Variants in FSTL5 observed in about 807,000 individuals in gnomAD.
FSTL5 encodes follistatin like 5.
Under a neutral mutation model 89.1 loss-of-function variants are expected in FSTL5, and 62 were observed. The observed-to-expected ratio is 0.70, with a 90% CI of 0.57 to 0.86. The LOEUF is 0.86. Ranked by LOEUF, FSTL5 falls within the 40% of genes least tolerant of loss-of-function variation. FSTL5 has a pLI of 0.00. For synonymous variants in FSTL5, 383 were observed against 346.2 expected (o/e 1.11, Z -1.18); for missense variants, 1,057 against 1,001.6 (o/e 1.06, Z -0.75).
chr4:161,845,765 A>C (rs1356335261), intron 4 of FSTL5, among the ~76,000 whole-genome samples: 1 of 152,116 alleles, frequency 6.6e-6, no homozygotes, highest in African/African-American at 2.4e-5. Context: ...AAGAATTGTG[A>C]ATTGTGGGCC....
At chr4:161,988,200 A>T (rs1736020105) in intron 3 of FSTL5, among the ~76,000 whole-genome samples, 1 of 152,002 alleles carries the variant, frequency 6.6e-6, no homozygotes, top group South Asian at 2.1e-4. Context: ...TTTTTGTCCC[A>T]TCGTATTCAG....
rs866660554 is a variant in FSTL5, at chr4:161,797,184, C to T, written c.410-21110G>A. ...AACATAAACACAAGATGTAATACTG[C>T]CTATCTCTTTATTTCTAATGTGTTT... On this transcript the variant is annotated intron_variant, in intron 4 of 15. Transcript: ENST00000306100. Among the ~76,000 whole-genome samples, 9 of 151,574 alleles carry T rather than the reference C, an allele frequency of 5.9e-5. 1 individual carries two copies. Among genetic ancestry groups the T allele is most frequent in the African/African-American group, 7.2e-5 (3 of 41,408 alleles).
At chr4:161,836,701 C>T (rs1045765476) in intron 4 of FSTL5, among the ~76,000 whole-genome samples, 6 of 151,256 alleles carry the variant, frequency 4.0e-5, no homozygotes, top group Admixed American at 2.0e-4. Flanking sequence ...GTTGAGGATA[C>T]GTTGTTGAAG....
intron 13 of FSTL5, among the ~76,000 whole-genome samples, chr4:161,476,657 T>G (rs1392866140): frequency 6.6e-6 from 1 of 152,206 alleles, no homozygotes; most frequent in East Asian, 1.9e-4. Context: ...ATGCACTTGT[T>G]TTTGAATAAA....
At chr4:162,129,186 G>A (rs1426611472) in intron 1 of FSTL5, among the ~76,000 whole-genome samples, 1 of 152,134 alleles carries the variant, frequency 6.6e-6, no homozygotes, top group Non-Finnish European at 1.5e-5. Context: ...ACCCGCCTTG[G>A]CCTTCCAAAG....
At chr4:161,648,088 A>G (rs1736212613) in intron 7 of FSTL5, among the ~76,000 whole-genome samples, 2 of 152,100 alleles carry the variant, frequency 1.3e-5, no homozygotes, top group East Asian at 1.9e-4. Flanking sequence ...TTTCCACTCA[A>G]TAAAACCTTG....
Position 161,861,067 on chromosome 4 carries a change from T to C in FSTL5, c.409+59337A>G, listed in dbSNP as rs184972956. On this transcript the variant is annotated intron_variant, in intron 4 of 15. Transcript: ENST00000306100. ...TATTCAGTGAATTGTGTGCTACATA[T>C]TGTAAATATTTGTATTGATATTATC... Among the ~76,000 whole-genome samples, 112 of 152,306 alleles carry C rather than the reference T, an allele frequency of 7.4e-4. No individual in the cohort carries two copies. In the East Asian group the frequency reaches 0.021, roughly 28 times the overall value.
At chr4:161,976,880 C>A (rs1316545760) in intron 3 of FSTL5, among the ~76,000 whole-genome samples, 1 of 150,838 alleles carries the variant, frequency 6.6e-6, no homozygotes, top group African/African-American at 2.4e-5. Flanking sequence ...ATTACAAATT[C>A]TCTCAAGACT....
chr4:161,849,350 G>A (rs1345364320), intron 4 of FSTL5, among the ~76,000 whole-genome samples: 1 of 151,796 alleles, frequency 6.6e-6, no homozygotes, highest in Admixed American at 6.6e-5. Flanking sequence ...TCAATACACT[G>A]AATGTTTAGC....
intron 6 of FSTL5, among the ~76,000 whole-genome samples, chr4:161,704,734 G>A (rs1013679781): frequency 1.3e-5 from 2 of 152,036 alleles, no homozygotes; most frequent in African/African-American, 4.8e-5. Flanking sequence ...TCAGTCAATT[G>A]CTTCACTCTA....
chr4:161,948,357 T>C (rs1250076041), intron 3 of FSTL5, among the ~76,000 whole-genome samples: 2 of 151,678 alleles, frequency 1.3e-5, no homozygotes, highest in African/African-American at 2.4e-5. Flanking sequence ...TTTTAAATTA[T>C]TGTTATTTTA....
intron 2 of FSTL5, among the ~76,000 whole-genome samples, chr4:162,059,535 G>A (rs919615101): frequency 1.3e-4 from 20 of 152,056 alleles, no homozygotes; most frequent in Admixed American, 1.1e-3. Context: ...TCAAAACTAT[G>A]TAATATCATC....
Position 161,542,538 on chromosome 4 carries a change from G to A in FSTL5, c.1171C>T (p.Leu391Phe). 6.7e-7 allele frequency: 1 copy of A among 1,486,636 alleles called. No individual in the cohort carries two copies. The highest frequency in any genetic ancestry group is 9.0e-7 in the Non-Finnish European group (1 of 1,112,338). The allele number at this position is 1,486,636 out of a possible 1,614,324, so 92.1% of individuals were successfully genotyped here. ...AAAAGCAAGTAAAAAGCACCTTGAA[G>A]CGTGAGTTGTTTGGAAAGCTTTGGT... ...ITPKLSKQLT[L>F]QANGSEVHIS... is the part of the protein sequence containing the mutation. Residue 391 changes from leucine to phenylalanine, a missense_variant, in exon 9 of 16, where the codon CTT becomes TTT. This residue lies in a region of FSTL5 where 980 missense variants were observed against 903.2 expected (regional missense o/e 1.08). Transcript: ENST00000306100.
chr4:161,971,968 T>A (rs975288803), intron 3 of FSTL5, among the ~76,000 whole-genome samples: 1 of 152,170 alleles, frequency 6.6e-6, no homozygotes, highest in Admixed American at 6.6e-5. Context: ...CAAGTCAAAG[T>A]TACTGTGGTG....
Position 162,124,040 on chromosome 4 carries a change from C to T in FSTL5, c.-16-12628G>A, listed in dbSNP as rs10000805. Among the ~76,000 whole-genome samples the T allele has an allele frequency of 9.8e-3, 1,491 of 152,186 alleles. 28 individuals are homozygous for T. Among genetic ancestry groups the T allele is most frequent in the African/African-American group, 0.033 (1,374 of 41,504 alleles). The stretch of plus-strand genomic sequence containing the variant: ...AATACACTAATCTAGGTAGAGTATT[C>T]AGATGAGTTCAGAAAATATATCCAT... On this transcript the variant is annotated intron_variant, in intron 1 of 15. Transcript: ENST00000306100.
At chr4:161,657,656 C>G (rs903035014) in intron 6 of FSTL5, among the ~76,000 whole-genome samples, 1 of 152,064 alleles carries the variant, frequency 6.6e-6, no homozygotes, top group African/African-American at 2.4e-5. Flanking sequence ...CCTTGAGATG[C>G]TAAACAAGTG....
In FSTL5 at chr4:161,968,816, A is replaced by T. The variant is rs1024206607; in HGVS notation, c.161-48164T>A. Reference sequence around the variant, plus strand: ...ATATTGAGCCAAATATGGTCACTTTAGCCTCAACTTATTCATCTTTTTGGA... The same window carrying T: ...ATATTGAGCCAAATATGGTCACTTTTGCCTCAACTTATTCATCTTTTTGGA... On this transcript the variant is annotated intron_variant, in intron 3 of 15. Transcript: ENST00000306100. Among the ~76,000 whole-genome samples, 2 of 152,134 alleles carry T rather than the reference A, an allele frequency of 1.3e-5. 1 individual carries two copies. The highest frequency in any genetic ancestry group is 2.9e-5 in the Non-Finnish European group (2 of 68,028).
intron 15 of FSTL5, among the ~76,000 whole-genome samples, chr4:161,416,714 G>A (rs969655671): frequency 6.6e-6 from 1 of 151,672 alleles, no homozygotes. Context: ...GTGTGGTGGC[G>A]GGCGCCTGTA....
At chr4:161,387,998 TCTCCCTGTCTCCAATG>T (rs1730705796) in intron 15 of FSTL5, 1 of 151,944 alleles carries the variant, frequency 6.6e-6, no homozygotes, top group Admixed American at 6.6e-5. Flanking sequence ...TCAACATAAC[TCTCCCTGTCTCCAATG>T]AGTCTAGACA....
Sources: allele counts gnomAD v4.1 joint callset (sites outside exome capture counted in the v4.1 genomes callset), GRCh38; gene constraint gnomAD v4.1.1; regional missense constraint gnomAD v4.1.1; transcripts MANE v1.5; gene names NCBI Gene and HGNC (gene_info 2026-07-23, HGNC 2026-07-21).